LRMDA: variants seen among roughly 807,000 people sequenced by gnomAD.
LRMDA encodes the protein leucine rich melanocyte differentiation associated.
Under a neutral mutation model 29.8 loss-of-function variants are expected in LRMDA, and 18 were observed. That is an observed-to-expected ratio of 0.60 (90% CI 0.42 to 0.90). The LOEUF is 0.90. Among genes scored for constraint, LRMDA ranks in the 40% least tolerant of loss-of-function variants. LRMDA has a pLI of 0.00. For synonymous variants in LRMDA, 125 were observed against 109.4 expected, an observed-to-expected ratio of 1.14 and a Z score of -0.89; for missense variants, 273 against 273.9, an observed-to-expected ratio of 1.00 and a Z score of 0.02.
intron 6 of LRMDA, among the ~76,000 whole-genome samples, chr10:76,550,050 T>A (rs1194811123): frequency 6.6e-6 from 1 of 152,192 alleles, no homozygotes; most frequent in East Asian, 1.9e-4. Flanking sequence ...AATTTAATAT[T>A]TGGCCAGAGC....
At chr10:75,813,593 C>T (rs144657534) in intron 2 of LRMDA, among the ~76,000 whole-genome samples, 14 of 152,138 alleles carry the variant, frequency 9.2e-5, no homozygotes, top group South Asian at 4.1e-4. Flanking sequence ...GCTCTTTGGA[C>T]GACGTGGGAC....
At chr10:75,468,336 A>T (rs573963091) in intron 2 of LRMDA, among the ~76,000 whole-genome samples, 2 of 152,226 alleles carry the variant, frequency 1.3e-5, no homozygotes, top group East Asian at 3.9e-4. Context: ...ATGTAAAAAG[A>T]AGGACCATTA....
intron 2 of LRMDA, among the ~76,000 whole-genome samples, chr10:76,022,057 T>A (rs777060439): frequency 1.3e-5 from 2 of 152,096 alleles, no homozygotes; most frequent in Non-Finnish European, 2.9e-5. Flanking sequence ...CAAAGAAAAG[T>A]GGAGGTGAGG....
intron 2 of LRMDA, among the ~76,000 whole-genome samples, chr10:75,963,493 A>C (rs1483198573): frequency 6.6e-6 from 1 of 152,132 alleles, no homozygotes; most frequent in Non-Finnish European, 1.5e-5. Context: ...TTGTCCCTTA[A>C]TTTTTGATAC....
chr10:76,089,020 G>A (rs180852262), intron 5 of LRMDA, among the ~76,000 whole-genome samples: 10 of 152,006 alleles, frequency 6.6e-5, no homozygotes, highest in Admixed American at 3.3e-4. Flanking sequence ...TATGGAAGTC[G>A]TTGAGCGAGA....
intron 2 of LRMDA, among the ~76,000 whole-genome samples, chr10:75,765,550 G>T (rs1487564687): frequency 2.0e-5 from 3 of 151,940 alleles, no homozygotes; most frequent in African/African-American, 7.3e-5. Flanking sequence ...CAAAAAATTG[G>T]TTTTGAATTT....
chr10:75,702,226 T>A (rs1464405736), intron 2 of LRMDA, among the ~76,000 whole-genome samples: 1 of 152,202 alleles, frequency 6.6e-6, no homozygotes, highest in Non-Finnish European at 1.5e-5. Flanking sequence ...TGTAATTATA[T>A]ATTCAGTTTC....
At chr10:75,837,592 A>G (rs533759276) in intron 2 of LRMDA, among the ~76,000 whole-genome samples, 7 of 152,324 alleles carry the variant, frequency 4.6e-5, no homozygotes, top group Admixed American at 1.3e-4. Flanking sequence ...AAGAATTCCA[A>G]GTAACCAAAA....
At chr10:75,945,924 A>G (rs1846468664) in intron 2 of LRMDA, among the ~76,000 whole-genome samples, 1 of 152,138 alleles carries the variant, frequency 6.6e-6, no homozygotes, top group South Asian at 2.1e-4. Flanking sequence ...CTGGTATATC[A>G]TTGCAGATTT....
chr10:76,056,497 G>A (rs1848616863), intron 4 of LRMDA, among the ~76,000 whole-genome samples: 1 of 152,198 alleles, frequency 6.6e-6, no homozygotes, highest in South Asian at 2.1e-4. Context: ...ATGGTGCCCA[G>A]GCTGTTTGTG....
At chr10:76,477,333 C>T (rs1336200353) in intron 6 of LRMDA, among the ~76,000 whole-genome samples, 4 of 152,022 alleles carry the variant, frequency 2.6e-5, no homozygotes, top group Admixed American at 2.6e-4. Context: ...ACCTAGGAAT[C>T]CAGCTTACAA....
intron 2 of LRMDA, among the ~76,000 whole-genome samples, chr10:75,799,151 A>G (rs534899399): frequency 2.9e-4 from 44 of 152,316 alleles, no homozygotes; most frequent in Non-Finnish European, 4.7e-4. Flanking sequence ...CTTTATCCAC[A>G]GGCATGTTTA....
intron 6 of LRMDA, among the ~76,000 whole-genome samples, chr10:76,334,790 A>C (rs576716990): frequency 1.3e-5 from 2 of 152,194 alleles, no homozygotes; most frequent in South Asian, 4.2e-4. Context: ...CTGTTTCTTC[A>C]ATCAGTCACT....
intron 2 of LRMDA, among the ~76,000 whole-genome samples, chr10:75,904,480 A>T (rs1845726905): frequency 6.6e-6 from 1 of 152,180 alleles, no homozygotes; most frequent in Non-Finnish European, 1.5e-5. Context: ...GGGCTCCAAA[A>T]AAATGAATGT....
intron 2 of LRMDA, among the ~76,000 whole-genome samples, chr10:75,733,970 C>T (rs891651721): frequency 3.3e-5 from 5 of 152,188 alleles, no homozygotes; most frequent in Non-Finnish European, 7.3e-5. Flanking sequence ...GGAGGCTTCT[C>T]AAGCCCTTTC....
chr10:76,510,424 G>A (rs963690403), intron 6 of LRMDA, among the ~76,000 whole-genome samples: 10 of 151,850 alleles, frequency 6.6e-5, no homozygotes, highest in African/African-American at 2.2e-4. Flanking sequence ...TTTTTTTTGG[G>A]AACATGATTC....
At chr10:76,308,237 T>G (rs1840583330) in intron 5 of LRMDA, among the ~76,000 whole-genome samples, 1 of 152,266 alleles carries the variant, frequency 6.6e-6, no homozygotes, top group Admixed American at 6.5e-5. Context: ...AACCTTCTCT[T>G]TAAATACTGT....
At chr10:75,733,759 C>T (rs1335238769) in intron 2 of LRMDA, among the ~76,000 whole-genome samples, 1 of 152,180 alleles carries the variant, frequency 6.6e-6, no homozygotes, top group Non-Finnish European at 1.5e-5. Flanking sequence ...ATGAGACAGA[C>T]ACATCTTTTA....
intron 6 of LRMDA, among the ~76,000 whole-genome samples, chr10:76,476,825 A>G (rs556105773): frequency 6.6e-6 from 1 of 152,322 alleles, no homozygotes; most frequent in Admixed American, 6.5e-5. Context: ...ATAGATGCAG[A>G]AAAGGCCTTT....
Sources: gnomAD v4.1 joint callset for allele counts (sites outside exome capture counted in the v4.1 genomes callset) on GRCh38, gnomAD v4.1.1 for gene constraint, MANE v1.5 for transcripts, NCBI Gene and HGNC (gene_info 2026-07-23, HGNC 2026-07-21) for gene names.